Variants in PRELID2 observed in about 807,000 individuals in gnomAD.
PRELID2 encodes PRELI domain-containing protein 2.
Under a neutral mutation model 28.4 loss-of-function variants are expected in PRELID2, and 25 were observed. The ratio of observed to expected loss-of-function variants is 0.88; its 90% CI spans 0.64 to 1.23. The LOEUF (loss-of-function observed/expected upper bound fraction) is 1.23. Ranked by LOEUF, PRELID2 falls within the 50% of genes most tolerant of loss-of-function variation. PRELID2 has a pLI of 0.00. For synonymous variants in PRELID2, 76 were observed against 71.6 expected (o/e 1.06, Z -0.31); for missense variants, 201 against 214.4 (o/e 0.94, Z 0.39).
At chr5:145,429,557 A>G in the PRELID2 span, among the ~76,000 whole-genome samples, 1 of 152,300 alleles carries the variant, frequency 6.6e-6, no homozygotes, top group African/African-American at 2.4e-5. Flanking sequence ...GATACATACA[A>G]TTGGGAATAC....
intron 1 of PRELID2, among the ~76,000 whole-genome samples, chr5:145,551,864 G>A (rs1427339780): frequency 2.0e-5 from 3 of 152,072 alleles, no homozygotes; most frequent in Non-Finnish European, 4.4e-5. Flanking sequence ...AGAGAAAGTA[G>A]GTGTGTCTGG....
chr5:145,715,906 T>G (rs1250645184), intron 1 of PRELID2, among the ~76,000 whole-genome samples: 2 of 152,348 alleles, frequency 1.3e-5, no homozygotes, highest in South Asian at 4.1e-4. Context: ...GCAAGTATCA[T>G]TATCTATTTT....
the PRELID2 span, among the ~76,000 whole-genome samples, chr5:145,298,547 T>C: frequency 6.6e-6 from 1 of 152,152 alleles, no homozygotes; most frequent in Non-Finnish European, 1.5e-5. Flanking sequence ...CTTGAAGGCT[T>C]TGTTCTCATA....
chr5:145,613,120 T>C (rs1206024627), intron 1 of PRELID2, among the ~76,000 whole-genome samples: 1 of 152,152 alleles, frequency 6.6e-6, no homozygotes, highest in African/African-American at 2.4e-5. Flanking sequence ...TGTCCCCTGA[T>C]CACTGCATAC....
rs1754336564 is a variant in PRELID2 at position 145,816,819 on chromosome 5, T to A, written c.368+1075A>T. Among the ~76,000 whole-genome samples, 3 of 152,180 alleles carry A rather than the reference T, an allele frequency of 2.0e-5. No individual in the cohort carries two copies. The South Asian group carries it at 6.2e-4, about 31-fold the overall frequency. ...TCAAAGAACTATACACTAAGAAAAG[T>A]AAGTTTTATTGTATGCAAATAATAT... On this transcript the variant is annotated intron_variant, in intron 4 of 6. Coordinates refer to ENST00000683046, the MANE Select transcript of PRELID2 (RefSeq NM_205846.3).
intron 1 of PRELID2, among the ~76,000 whole-genome samples, chr5:145,747,384 A>G (rs1284646730): frequency 6.6e-6 from 1 of 152,186 alleles, no homozygotes; most frequent in African/African-American, 2.4e-5. Context: ...ACCATCAGAG[A>G]ATACTAAAAA....
chr5:145,791,296 A>T (rs1252573084), intron 5 of PRELID2, among the ~76,000 whole-genome samples: 1 of 152,204 alleles, frequency 6.6e-6, no homozygotes, highest in Non-Finnish European at 1.5e-5. Context: ...GGGGATTATT[A>T]CAATTCACGT....
At chr5:145,436,036 A>G in the PRELID2 span, among the ~76,000 whole-genome samples, 1 of 152,176 alleles carries the variant, frequency 6.6e-6, no homozygotes, top group Non-Finnish European at 1.5e-5. Context: ...TTTGTCACCC[A>G]TGTAACAAGC....
the PRELID2 span, among the ~76,000 whole-genome samples, chr5:145,339,137 C>T: frequency 2.6e-4 from 40 of 152,250 alleles, no homozygotes; most frequent in African/African-American, 8.9e-4. Context: ...AGACTGGAGG[C>T]AAGATGGCTG....
At chr5:145,619,422 C>T (rs1264840229) in intron 1 of PRELID2, among the ~76,000 whole-genome samples, 2 of 152,228 alleles carry the variant, frequency 1.3e-5, no homozygotes, top group African/African-American at 4.8e-5. Context: ...TCTAAATTGA[C>T]TCAGCTCCAG....
At chr5:145,315,968 A>T in the PRELID2 span, among the ~76,000 whole-genome samples, 2 of 152,194 alleles carry the variant, frequency 1.3e-5, no homozygotes, top group Admixed American at 1.3e-4. Flanking sequence ...TACTACATTT[A>T]CTATTATCTA....
intron 1 of PRELID2, among the ~76,000 whole-genome samples, chr5:145,684,767 TG>T (rs1755003362): frequency 6.6e-6 from 1 of 152,180 alleles, no homozygotes; most frequent in African/African-American, 2.4e-5. Flanking sequence ...GAACCAATCC[TG>T]GGGGCAGGTA....
intron 1 of PRELID2, chr5:145,473,367 T>C (rs1752070588): frequency 2.0e-5 from 3 of 152,172 alleles, no homozygotes; most frequent in Non-Finnish European, 2.9e-5. Flanking sequence ...TTATAGCTAA[T>C]ACATATAAAA....
the PRELID2 span, among the ~76,000 whole-genome samples, chr5:145,383,421 C>T: frequency 6.7e-6 from 1 of 149,496 alleles, no homozygotes; most frequent in South Asian, 2.1e-4. Flanking sequence ...AATGAGAAAG[C>T]TGAAATACAT....
intron 1 of PRELID2, among the ~76,000 whole-genome samples, chr5:145,486,282 T>TG (rs1177448490): frequency 6.6e-6 from 1 of 152,248 alleles, no homozygotes; most frequent in African/African-American, 2.4e-5. Context: ...ATAGTTTGCA[T>TG]GGGGGTCTAT....
intron 4 of PRELID2, among the ~76,000 whole-genome samples, chr5:145,806,684 G>A (rs1204663538): frequency 6.6e-6 from 1 of 152,176 alleles, no homozygotes; most frequent in African/African-American, 2.4e-5. Context: ...TAATTCCCAT[G>A]TGTCAAGGGA....
chr5:145,382,481 G>T, the PRELID2 span, among the ~76,000 whole-genome samples: 1 of 151,772 alleles, frequency 6.6e-6, no homozygotes, highest in Non-Finnish European at 1.5e-5. Flanking sequence ...AGAAGCCAGA[G>T]AATAATACAT....
intron 6 of PRELID2, among the ~76,000 whole-genome samples, chr5:145,761,739 G>C (rs928634405): frequency 6.6e-6 from 1 of 152,146 alleles, no homozygotes; most frequent in Admixed American, 6.5e-5. Flanking sequence ...GTGTATAAAA[G>C]CAGGCAGCCG....
At position 145,821,868 on chromosome 5, in the gene PRELID2, G is replaced by A. The variant is rs368358910; in HGVS notation, c.133+1209C>T. On this transcript the variant is annotated intron_variant, in intron 2 of 6. Coordinates refer to ENST00000683046, the MANE Select transcript of PRELID2 (RefSeq NM_205846.3). ...AACCTAAAAACAAGATTATTTTCCC[G>A]TTTGACAGATGAAGAAACTGAGGCT... 2.2e-4 allele frequency among the ~76,000 whole-genome samples: 34 copies of A among 152,228 alleles called. 1 individual carries two copies. The South Asian group carries it at 6.4e-3, about 29-fold the overall frequency.
Sources: gnomAD v4.1 joint callset for allele counts (sites outside exome capture counted in the v4.1 genomes callset) on GRCh38, gnomAD v4.1.1 for gene constraint, MANE v1.5 for transcripts, NCBI Gene and HGNC (gene_info 2026-07-23, HGNC 2026-07-21) for gene names.